The following ADD2 variants were observed in gnomAD, a reference collection of about 807,000 sequenced individuals.
ADD2 encodes adducin 2, also known as beta-adducin.
ADD2 carries 23 observed loss-of-function variants against 83.0 expected under a neutral mutation model. That is an observed-to-expected ratio of 0.28 (90% CI 0.20 to 0.39). ADD2 has a LOEUF of 0.39. ADD2 is among the 10% of genes least tolerant of loss of function. The pLI, the probability that ADD2 is intolerant of heterozygous loss-of-function variation, is 1.00. For synonymous variants in ADD2, 375 were observed against 375.4 expected (o/e 1.00, Z 0.01); for missense variants, 758 against 944.9 (o/e 0.80, Z 2.59).
intron 13 of ADD2, chr2:70,675,458 G>C (rs899458499): frequency 8.9e-5 from 88 of 985,332 alleles, no homozygotes; most frequent in Non-Finnish European, 1.0e-4. Context: ...ACTGGGTTTT[G>C]CCACCTCTGT....
At position 70,706,827 on chromosome 2, in the gene ADD2, A is replaced by G. The variant is rs1238791519; in HGVS notation, c.-34-385T>C. 1.3e-5 allele frequency among the ~76,000 whole-genome samples: 2 copies of G among 152,146 alleles called. No homozygotes were observed. Among genetic ancestry groups the G allele is most frequent in the African/African-American group, 4.8e-5 (2 of 41,414 alleles). On this transcript the variant is annotated intron_variant, in intron 2 of 15. Coordinates refer to ENST00000264436, the MANE Select transcript of ADD2 (RefSeq NM_001617.4). The surrounding 1 kb of genome is among the most constrained non-coding windows in gnomAD (Gnocchi z 5.0). ...GCTACTTACTGGAAATCAGTACTTCATCTAAAATGGAAACCCTCTAATAAG... is the reference window on the plus strand; with the variant it reads ...GCTACTTACTGGAAATCAGTACTTCGTCTAAAATGGAAACCCTCTAATAAG...
chr2:70,703,640 A>G (rs1553373831), intron 4 of ADD2, among the ~76,000 whole-genome samples: 1 of 152,264 alleles, frequency 6.6e-6, no homozygotes, highest in Admixed American at 6.5e-5. Context: ...GAAATAACCT[A>G]AAAGTCCAAC....
At chr2:70,677,931 T>C (rs1553368724) in intron 11 of ADD2, 54 bp from the exon 12 acceptor site, 6 of 1,607,124 alleles carry the variant, frequency 3.7e-6, no homozygotes, top group Non-Finnish European at 5.1e-6. Flanking sequence ...CCATGAGTCC[T>C]CCCCAGTGGT....
At chr2:70,752,318 C>T (rs1468700396) in intron 1 of ADD2, among the ~76,000 whole-genome samples, 7 of 152,076 alleles carry the variant, frequency 4.6e-5, no homozygotes, top group African/African-American at 1.7e-4. Flanking sequence ...TTCATGTATT[C>T]CATCTGCAAA....
chr2:70,707,804 A>T (rs13400131), intron 2 of ADD2, among the ~76,000 whole-genome samples: 5,099 of 152,170 alleles, frequency 0.034, 292 homozygotes, highest in African/African-American at 0.12. Context: ...ATAACCTGCC[A>T]CTCCCTTGCT....
Position 70,663,672 on chromosome 2 carries a change from T to C in ADD2, c.1934A>G (p.Glu645Gly). 6.2e-7 allele frequency: 1 copy of C among 1,614,138 alleles called. No homozygotes were observed. Among genetic ancestry groups the C allele is most frequent in the Non-Finnish European group, 8.5e-7 (1 of 1,180,020 alleles). The part of the protein sequence containing the change: ...ATTEPETTQP[E>G]GVVVNGREEE... ...CTCCCTCCCGTTGACCACCACCCCT[T>C]CCGGCTGGGTTGTTTCGGGCTCTGT... Residue 645 changes from glutamate to glycine, a missense_variant, in exon 16 of 16, where the codon GAA becomes GGA. By Grantham distance (98) the Glu-to-Gly change is moderately conservative. This residue lies in a region of ADD2 where 165 missense variants were observed against 176.2 expected (regional missense o/e 0.94). Transcript: ENST00000264436.
chr2:70,752,795 C>T lies in ADD2; in HGVS notation c.-154+15091G>A, dbSNP rs782274717. 3.3e-5 allele frequency among the ~76,000 whole-genome samples: 5 copies of T among 152,230 alleles called. 1 individual carries two copies. Among genetic ancestry groups the T allele is most frequent in the Non-Finnish European group, 5.9e-5 (4 of 68,044 alleles). ...TTGGATATACAGGTTTTCAGCCTCACTACCCAAAGTAAGATCCGGAGACCA... is the reference window on the plus strand; with the variant it reads ...TTGGATATACAGGTTTTCAGCCTCATTACCCAAAGTAAGATCCGGAGACCA... On this transcript the variant is annotated intron_variant, in intron 1 of 15. Transcript: ENST00000264436.
chr2:70,682,652 G>A (rs1419074297), intron 10 of ADD2, among the ~76,000 whole-genome samples: 1 of 152,142 alleles, frequency 6.6e-6, no homozygotes. Context: ...TATGCAATTA[G>A]CTCCTCATTG....
At chr2:70,678,045 G>T (rs1670266044) in intron 11 of ADD2, among the ~76,000 whole-genome samples, 168 bp from the exon 12 acceptor site, 1 of 152,196 alleles carries the variant, frequency 6.6e-6, no homozygotes, top group Non-Finnish European at 1.5e-5. Flanking sequence ...TCCAGGAGCA[G>T]AGAATGGCAA....
In ADD2 at chr2:70,673,009, G is replaced by GA. The variant is rs782726916; in HGVS notation, c.1742-4dup. ...TTCTGGGGCAGTTTCTTTCTCTCCT[G>GA]AAAAAACAGAAAAACACCTCAGGAT... is the stretch of plus-strand genomic sequence containing the variant. On this transcript the variant is annotated splice_polypyrimidine_tract_variant and splice_region_variant and intron_variant, in intron 14 of 15. Transcript: ENST00000264436. 1.0e-4 allele frequency: 163 copies of GA among 1,608,996 alleles called. No individual in the cohort carries two copies. The highest frequency in any genetic ancestry group is 1.2e-4 in the Non-Finnish European group (147 of 1,178,834).
rs1267027968 is a variant in ADD2, at chr2:70,685,131, T to C, written c.949-1364A>G. On this transcript the variant is annotated intron_variant, in intron 9 of 15. Coordinates refer to ENST00000264436, the MANE Select transcript of ADD2 (RefSeq NM_001617.4). ...CATTCCAATAAGATATGATATCCCA[T>C]GTTAGCCTGCTTGTTATGGGAAACT... Among the ~76,000 whole-genome samples the C allele has an allele frequency of 3.3e-5, 5 of 152,208 alleles. No individual in the cohort carries two copies. In the South Asian group the frequency reaches 6.2e-4, roughly 19 times the overall value.
chr2:70,678,651 T>C (rs1480178522), intron 11 of ADD2, 53 bp downstream of exon 11: 1 of 1,509,358 alleles, frequency 6.6e-7, no homozygotes, highest in Admixed American at 2.3e-5. Flanking sequence ...TGCTTCACCC[T>C]GCTAATGCAG....
In ADD2 at chr2:70,761,516, A is replaced by G. The variant is rs1480387754; in HGVS notation, c.-154+6370T>C. Among the ~76,000 whole-genome samples the G allele has an allele frequency of 3.9e-3, 585 of 148,606 alleles. 2 individuals are homozygous for G. The highest frequency in any genetic ancestry group is 0.014 in the African/African-American group (538 of 39,642). On this transcript the variant is annotated intron_variant, in intron 1 of 15. Coordinates refer to ENST00000264436, the MANE Select transcript of ADD2 (RefSeq NM_001617.4). ...CCAGCTACTCAGGAGGCTGAGGCAC[A>G]AGAATCACTTGAACCCAGGAGACAG...
At chr2:70,693,307 T>C (rs1463132050) in intron 6 of ADD2, among the ~76,000 whole-genome samples, 1 of 152,204 alleles carries the variant, frequency 6.6e-6, no homozygotes, top group African/African-American at 2.4e-5. Flanking sequence ...TCCCGGCAGC[T>C]GGAAGTTAAC....
chr2:70,671,218 G>A (rs1669878316), intron 15 of ADD2, among the ~76,000 whole-genome samples: 1 of 152,206 alleles, frequency 6.6e-6, no homozygotes, highest in Admixed American at 6.5e-5. Context: ...AGAGGGGTAG[G>A]AGTGAGCGCC....
chr2:70,759,871 AT>A (rs1277112795), intron 1 of ADD2, among the ~76,000 whole-genome samples: 3 of 152,076 alleles, frequency 2.0e-5, no homozygotes, highest in Non-Finnish European at 4.4e-5. Context: ...GTGCTGATAG[AT>A]TTCCCACGGC....
At chr2:70,694,721 G>C (rs537796000) in intron 6 of ADD2, among the ~76,000 whole-genome samples, 2 of 152,268 alleles carry the variant, frequency 1.3e-5, no homozygotes, top group South Asian at 4.2e-4. Flanking sequence ...GTTTCAGCTA[G>C]ACGCCTCCTC....
Position 70,691,023 on chromosome 2 carries a change from G to GGTGAGGGGTGAGGA in ADD2, c.706-108_706-95dup, listed in dbSNP as rs782479025. On this transcript the variant is annotated intron_variant, in intron 7 of 15. Transcript: ENST00000264436. Reference sequence around the variant, plus strand: ...AGCTCTACTCTGGGGGCCAGTGAGGGGTGAGGGGTGAGGAGTGAGGGGTGA... The same window carrying GGTGAGGGGTGAGGA: ...AGCTCTACTCTGGGGGCCAGTGAGGGGTGAGGGGTGAGGAGTGAGGGGTGAGGAGTGAGGGGTGA... 5,700 of 1,428,352 alleles carry GGTGAGGGGTGAGGA rather than the reference G, an allele frequency of 4.0e-3. 29 individuals carry two copies. Among genetic ancestry groups the GGTGAGGGGTGAGGA allele is most frequent in the Non-Finnish European group, 4.4e-3 (4,724 of 1,077,876 alleles). 88.5% of individuals were successfully genotyped at this position (1,428,352 alleles called of 1,614,324 possible).
chr2:70,702,007 T>C (rs1477339026), intron 4 of ADD2, among the ~76,000 whole-genome samples: 1 of 152,222 alleles, frequency 6.6e-6, no homozygotes, highest in Admixed American at 6.5e-5. Context: ...GGACCAAACT[T>C]ACAAATTTCC....
Sources: allele counts gnomAD v4.1 joint callset (sites outside exome capture counted in the v4.1 genomes callset), GRCh38; gene constraint gnomAD v4.1.1; regional missense constraint gnomAD v4.1.1; non-coding constraint Gnocchi (gnomAD v3.1); transcripts MANE v1.5; gene names NCBI Gene and HGNC (gene_info 2026-07-23, HGNC 2026-07-21).